Variants in ANO10 observed in about 807,000 individuals in gnomAD.
The protein encoded by ANO10 is anoctamin-10.
A neutral mutation model predicts 74.7 loss-of-function variants in ANO10; 77 were observed. That is an observed-to-expected ratio of 1.03 (90% CI 0.86 to 1.25). The LOEUF is 1.25. ANO10 is among the 50% of genes most tolerant of loss of function. ANO10 has a pLI of 0.00. For synonymous variants in ANO10, 279 were observed against 284.9 expected, an observed-to-expected ratio of 0.98 and a Z score of 0.21; for missense variants, 721 against 778.1, an observed-to-expected ratio of 0.93 and a Z score of 0.87.
At chr3:43,511,155 C>T (rs900467757) in intron 11 of ANO10, among the ~76,000 whole-genome samples, 1 of 152,018 alleles carries the variant, frequency 6.6e-6, no homozygotes. Flanking sequence ...AGAGATAATG[C>T]CAATAAAATA....
chr3:43,457,900 A>C (rs1423807139), intron 11 of ANO10, among the ~76,000 whole-genome samples: 4 of 152,134 alleles, frequency 2.6e-5, no homozygotes, highest in African/African-American at 4.8e-5. Flanking sequence ...AGGAGCTTGT[A>C]GTCTGATCAA....
intron 11 of ANO10, among the ~76,000 whole-genome samples, chr3:43,449,547 C>G (rs1025228820): frequency 1.2e-5 from 1 of 84,088 alleles, no homozygotes; most frequent in African/African-American, 4.6e-5. Flanking sequence ...TATGTGATGT[C>G]CAGTTGTTAC....
rs542608492 is a variant in ANO10 at position 43,548,129 on chromosome 3, A to G, written c.1797+1591T>C. 1.4e-3 allele frequency among the ~76,000 whole-genome samples: 215 copies of G among 152,206 alleles called. 1 individual carries two copies. Among genetic ancestry groups the G allele is most frequent in the Non-Finnish European group, 2.4e-3 (163 of 68,046 alleles). On this transcript the variant is annotated intron_variant, in intron 11 of 12. Transcript: ENST00000292246. ...TATTGGTAAAGTATCTTTTTATTGTAAATTAACCACCTGGCTTTCTGGTCA... is the reference window on the plus strand; with the variant it reads ...TATTGGTAAAGTATCTTTTTATTGTGAATTAACCACCTGGCTTTCTGGTCA...
chr3:43,613,613 C>T (rs910575292), intron 1 of ANO10, among the ~76,000 whole-genome samples: 9 of 152,104 alleles, frequency 5.9e-5, no homozygotes, highest in African/African-American at 1.2e-4. Flanking sequence ...ATCTATTGGG[C>T]GAGAATATGG....
At chr3:43,512,754 C>T (rs549055273) in intron 11 of ANO10, among the ~76,000 whole-genome samples, 23 of 152,236 alleles carry the variant, frequency 1.5e-4, no homozygotes, top group African/African-American at 5.5e-4. Flanking sequence ...ACCACTTCCA[C>T]CAAGATGAAG....
At chr3:43,651,215 AAATAATT>A (rs1430978749) in intron 1 of ANO10, among the ~76,000 whole-genome samples, 1 of 152,224 alleles carries the variant, frequency 6.6e-6, no homozygotes, top group East Asian at 1.9e-4. Flanking sequence ...CCAAGTCTAC[AAATAATT>A]AATAAATATC....
At chr3:43,671,111 A>G (rs924114098) in intron 1 of ANO10, among the ~76,000 whole-genome samples, 4 of 152,204 alleles carry the variant, frequency 2.6e-5, no homozygotes, top group African/African-American at 9.7e-5. Flanking sequence ...ACTATTAAGA[A>G]TGATGTAAAG....
intron 12 of ANO10, among the ~76,000 whole-genome samples, chr3:43,430,161 A>AT (rs1482577673): frequency 1.3e-5 from 2 of 151,954 alleles, no homozygotes; most frequent in Non-Finnish European, 2.9e-5. Context: ...CTGGACTGTC[A>AT]TTTTTTATAG....
At chr3:43,654,146 T>G (rs2149569948) in intron 1 of ANO10, among the ~76,000 whole-genome samples, 1 of 152,200 alleles carries the variant, frequency 6.6e-6, no homozygotes, top group East Asian at 1.9e-4. Flanking sequence ...TTCATTTCAT[T>G]ATCACCTGAG....
intron 11 of ANO10, among the ~76,000 whole-genome samples, chr3:43,437,066 G>T (rs1037371334): frequency 2.6e-5 from 4 of 152,154 alleles, no homozygotes; most frequent in African/African-American, 9.7e-5. Flanking sequence ...ATGATTAATG[G>T]AGCAGAGATT....
chr3:43,522,233 C>T (rs978848365), intron 11 of ANO10, among the ~76,000 whole-genome samples: 1 of 151,968 alleles, frequency 6.6e-6, no homozygotes, highest in Non-Finnish European at 1.5e-5. Context: ...GTGATGACTG[C>T]ACAATGCTGT....
chr3:43,555,608 A>C (rs551887059), intron 9 of ANO10, 139 bp from the exon 10 acceptor site: 231 of 739,876 alleles, frequency 3.1e-4, no homozygotes, highest in Non-Finnish European at 4.8e-4. Context: ...TGTTTCTCCA[A>C]CTTCTGACAC....
chr3:43,602,331 A>G (rs1336245124), intron 2 of ANO10, among the ~76,000 whole-genome samples: 1 of 151,892 alleles, frequency 6.6e-6, no homozygotes, highest in Non-Finnish European at 1.5e-5. Flanking sequence ...ACCTTTTTTT[A>G]TTAATTAATT....
intron 12 of ANO10, among the ~76,000 whole-genome samples, chr3:43,393,247 T>C (rs1443386402): frequency 6.6e-6 from 1 of 152,236 alleles, no homozygotes; most frequent in African/African-American, 2.4e-5. Flanking sequence ...GAAGCAAGGC[T>C]ATCCTTCCAT....
intron 11 of ANO10, among the ~76,000 whole-genome samples, chr3:43,480,326 A>C (rs763619146): frequency 6.6e-6 from 1 of 152,212 alleles, no homozygotes; most frequent in Non-Finnish European, 1.5e-5. Context: ...ATTTCACAGA[A>C]CTGAAGAACA....
At position 43,577,114 on chromosome 3, in the gene ANO10, G is replaced by A. The variant is rs780140084; in HGVS notation, c.740C>T (p.Ala247Val). Residue 247 changes from alanine to valine, a missense_variant, in exon 6 of 13, where the codon GCC (alanine) becomes GTC (valine). Coordinates refer to ENST00000292246, the MANE Select transcript of ANO10 (RefSeq NM_018075.5). ...WEDYDKYVIF[A>V]SFNLIWSTVI... ...CGTGGACCAGATGAGGTTGAACGAG[G>A]CAAAGATCACGTACTTGTCATAGTC... The A allele has an allele frequency of 6.2e-7, 1 of 1,614,148 alleles. No homozygotes were observed. Among genetic ancestry groups the A allele is most frequent in the African/African-American group, 1.3e-5 (1 of 75,024 alleles).
intron 1 of ANO10, among the ~76,000 whole-genome samples, chr3:43,657,562 T>C (rs189403192): frequency 1.4e-4 from 22 of 152,352 alleles, no homozygotes; most frequent in Admixed American, 1.4e-3. Flanking sequence ...GTTAAAGCAA[T>C]CATTTGCTCC....
intron 12 of ANO10, among the ~76,000 whole-genome samples, chr3:43,371,394 C>G (rs2091606667): frequency 6.6e-6 from 1 of 152,140 alleles, no homozygotes; most frequent in South Asian, 2.1e-4. Flanking sequence ...CCTGGTTCCC[C>G]CGAGCCACCC....
chr3:43,683,164 T>C (rs1291349554), intron 1 of ANO10, among the ~76,000 whole-genome samples: 1 of 152,182 alleles, frequency 6.6e-6, no homozygotes, highest in Non-Finnish European at 1.5e-5. Flanking sequence ...GATGACATGA[T>C]TGTATATCTA....
Sources: gnomAD v4.1 joint callset for allele counts (sites outside exome capture counted in the v4.1 genomes callset) on GRCh38, gnomAD v4.1.1 for gene constraint, MANE v1.5 for transcripts, NCBI Gene and HGNC (gene_info 2026-07-23, HGNC 2026-07-21) for gene names.